NR3C2: variants seen among roughly 807,000 people sequenced by gnomAD.
The protein encoded by NR3C2 is mineralocorticoid receptor.
NR3C2 carries 15 observed loss-of-function variants against 86.4 expected under a neutral mutation model. The observed-to-expected ratio is 0.17, with a 90% CI of 0.12 to 0.27. NR3C2 has a LOEUF of 0.27. Ranked by LOEUF, NR3C2 falls within the 10% of genes least tolerant of loss-of-function variation. The pLI is 1.00. For missense variants in NR3C2, 960 were observed against 1,195.6 expected, an observed-to-expected ratio of 0.80 and a Z score of 2.91; for synonymous variants, 458 against 450.5, an observed-to-expected ratio of 1.02 and a Z score of -0.21.
chr4:148,418,753 G>C (rs1749129385), intron 2 of NR3C2, among the ~76,000 whole-genome samples: 1 of 152,170 alleles, frequency 6.6e-6, no homozygotes, highest in African/African-American at 2.4e-5. Context: ...GATTAGCTCA[G>C]AAAATTTCCC....
At chr4:148,137,944 TATA>T (rs1733423057) in intron 6 of NR3C2, among the ~76,000 whole-genome samples, 1 of 152,230 alleles carries the variant, frequency 6.6e-6, no homozygotes, top group South Asian at 2.1e-4. Context: ...TTATGTTATT[TATA>T]ATATGTGATG....
chr4:148,126,989 G>A (rs1330758923), intron 6 of NR3C2, among the ~76,000 whole-genome samples: 1 of 152,080 alleles, frequency 6.6e-6, no homozygotes, highest in Non-Finnish European at 1.5e-5. Flanking sequence ...TTTTTCCAGA[G>A]TCATACAACT....
chr4:148,422,412 C>CA lies in NR3C2; in HGVS notation c.1757+12691dup, dbSNP rs200882979. Among the ~76,000 whole-genome samples the CA allele has an allele frequency of 4.6e-3, 696 of 150,270 alleles. 7 individuals are homozygous for CA. Among genetic ancestry groups the CA allele is most frequent in the African/African-American group, 0.015 (622 of 41,058 alleles). On this transcript the variant is annotated intron_variant, in intron 2 of 8. Transcript: ENST00000358102. ...GCCTCTCAGGATATAATTTCCATTT[C>CA]AAAAAAAAATACTGAGAATCCAAAT... is the stretch of plus-strand genomic sequence containing the variant.
intron 2 of NR3C2, among the ~76,000 whole-genome samples, chr4:148,325,150 GAC>G (rs1255026663): frequency 1.5e-5 from 2 of 135,412 alleles, no homozygotes; most frequent in African/African-American, 3.2e-5. Flanking sequence ...GAGAGAGAGA[GAC>G]AGAGTGTGTG....
chr4:148,337,179 T>C (rs559356102), intron 2 of NR3C2, among the ~76,000 whole-genome samples: 5 of 152,332 alleles, frequency 3.3e-5, no homozygotes, highest in African/African-American at 1.2e-4. Flanking sequence ...ATTGTTGTTG[T>C]TTTAAAGCAC....
chr4:148,188,777 G>A (rs1313926847), intron 4 of NR3C2, among the ~76,000 whole-genome samples: 1 of 152,104 alleles, frequency 6.6e-6, no homozygotes, highest in Non-Finnish European at 1.5e-5. Context: ...ATGTTGAAGA[G>A]GAGTGGTGAC....
chr4:148,132,009 A>C (rs1404798555), intron 6 of NR3C2, among the ~76,000 whole-genome samples: 5 of 152,204 alleles, frequency 3.3e-5, no homozygotes, highest in Admixed American at 3.3e-4. Flanking sequence ...AAATTTTTTT[A>C]AACCATAAAT....
intron 3 of NR3C2, among the ~76,000 whole-genome samples, chr4:148,200,821 C>T (rs1287801082): frequency 6.6e-6 from 1 of 152,142 alleles, no homozygotes; most frequent in Non-Finnish European, 1.5e-5. Flanking sequence ...TCATGTACTA[C>T]TGCATATTAT....
chr4:148,347,133 G>A (rs958190600), intron 2 of NR3C2, among the ~76,000 whole-genome samples: 6 of 152,106 alleles, frequency 3.9e-5, no homozygotes, highest in Admixed American at 1.3e-4. Flanking sequence ...ACAGGTAGAA[G>A]AACAAATGGC....
At chr4:148,351,778 T>C (rs1460238262) in intron 2 of NR3C2, among the ~76,000 whole-genome samples, 1 of 152,204 alleles carries the variant, frequency 6.6e-6, no homozygotes, top group Non-Finnish European at 1.5e-5. Context: ...ACTCAGAGTC[T>C]AGGTTTCATC....
chr4:148,443,991 G>C, upstream of NR3C2: 1 of 984,992 alleles, frequency 1.0e-6, no homozygotes, highest in Non-Finnish European at 1.2e-6. Context: ...CCCCAGCTTG[G>C]AGCTGCCCCC....
In NR3C2 at chr4:148,151,604, T is replaced by C. The variant is rs141088550; in HGVS notation, c.2510+865A>G. On this transcript the variant is annotated intron_variant, in intron 6 of 8. Coordinates refer to ENST00000358102, the MANE Select transcript of NR3C2 (RefSeq NM_000901.5). ...TTACTACTGGTACTACTGAGGTGTGTTGGCACTATCTGTCTATACTTTTCA... is the reference window on the plus strand; with the variant it reads ...TTACTACTGGTACTACTGAGGTGTGCTGGCACTATCTGTCTATACTTTTCA... Among the ~76,000 whole-genome samples, 135 of 152,336 alleles carry C rather than the reference T, an allele frequency of 8.9e-4. No individual in the cohort carries two copies. The Middle Eastern group carries it at 0.01, about 12-fold the overall frequency.
chr4:148,099,698 G>A (rs541562978), intron 8 of NR3C2, among the ~76,000 whole-genome samples: 40 of 152,262 alleles, frequency 2.6e-4, no homozygotes, highest in Non-Finnish European at 5.0e-4. Flanking sequence ...TTATTATATT[G>A]TAAGAAGAGG....
intron 2 of NR3C2, among the ~76,000 whole-genome samples, chr4:148,267,264 C>T (rs1487377788): frequency 6.6e-6 from 1 of 150,728 alleles, no homozygotes; most frequent in Non-Finnish European, 1.5e-5. Flanking sequence ...TTTACCATTC[C>T]ATCTATAATT....
intron 2 of NR3C2, among the ~76,000 whole-genome samples, chr4:148,422,984 A>G (rs569801243): frequency 2.0e-5 from 3 of 152,250 alleles, no homozygotes; most frequent in East Asian, 3.9e-4. Context: ...TGCTGTTAAC[A>G]TACATGGTTT....
intron 2 of NR3C2, among the ~76,000 whole-genome samples, chr4:148,325,684 CT>C (rs1743929104): frequency 1.3e-5 from 2 of 152,174 alleles, no homozygotes; most frequent in African/African-American, 4.8e-5. Flanking sequence ...AAAACCCAGA[CT>C]TCTACTTTTA....
At chr4:148,331,739 C>T (rs1356330751) in intron 2 of NR3C2, among the ~76,000 whole-genome samples, 6 of 152,132 alleles carry the variant, frequency 3.9e-5, no homozygotes, top group Non-Finnish European at 8.8e-5. Context: ...TGTTTCACAT[C>T]CAGATGAACA....
Position 148,412,549 on chromosome 4 carries a change from CAA to C in NR3C2, c.1757+22553_1757+22554del, listed in dbSNP as rs1224489611. Among the ~76,000 whole-genome samples the C allele has an allele frequency of 3.9e-5, 6 of 152,016 alleles. No individual in the cohort carries two copies. The South Asian group carries it at 1.2e-3, about 32-fold the overall frequency. ...TTTAATTGGAAGAGAGATGCAGAAACAAGAGAAATGTGGAGAAGGAGTAAAAA... is the reference window on the plus strand; with the variant it reads ...TTTAATTGGAAGAGAGATGCAGAAACGAGAAATGTGGAGAAGGAGTAAAAA... On this transcript the variant is annotated intron_variant, in intron 2 of 8. Coordinates refer to ENST00000358102, the MANE Select transcript of NR3C2 (RefSeq NM_000901.5).
At chr4:148,413,623 C>T (rs1748834262) in intron 2 of NR3C2, among the ~76,000 whole-genome samples, 1 of 151,908 alleles carries the variant, frequency 6.6e-6, no homozygotes, top group Admixed American at 6.6e-5. Flanking sequence ...ATACCTTTGA[C>T]AAATCAATAA....
Sources: allele counts gnomAD v4.1 joint callset (sites outside exome capture counted in the v4.1 genomes callset), GRCh38; gene constraint gnomAD v4.1.1; transcripts MANE v1.5; gene names NCBI Gene and HGNC (gene_info 2026-07-23, HGNC 2026-07-21).